The following TLE4 variants were observed in gnomAD, a reference collection of about 807,000 sequenced individuals.
TLE4 encodes the protein transducin-like enhancer protein 4.
In TLE4, 8 loss-of-function variants were observed where a neutral mutation model predicts 92.8. The observed-to-expected ratio is 0.09, with a 90% confidence interval of 0.05 to 0.16. The LOEUF (loss-of-function observed/expected upper bound fraction) is 0.16. Among genes scored for constraint, TLE4 ranks in the 10% least tolerant of loss-of-function variants. TLE4 has a pLI of 1.00. For synonymous variants in TLE4, 371 were observed against 374.1 expected, an observed-to-expected ratio of 0.99 and a Z score of 0.10; for missense variants, 675 against 997.6, an observed-to-expected ratio of 0.68 and a Z score of 4.36.
chr9:79,627,288 T>TG, intron 5 of TLE4, 86 bp from the exon 6 acceptor site: 1 of 1,370,990 alleles, frequency 7.3e-7, no homozygotes, highest in South Asian at 1.2e-5. Flanking sequence ...TGCATGTAAC[T>TG]GAAGTTAGAG....
intron 4 of TLE4, among the ~76,000 whole-genome samples, chr9:79,585,627 T>C (rs2040862174): frequency 6.6e-6 from 1 of 151,884 alleles, no homozygotes; most frequent in African/African-American, 2.4e-5. Context: ...CATTTCAGTT[T>C]GGTTTGTTGC....
chr9:79,646,421 G>T (rs1308088189), intron 6 of TLE4, among the ~76,000 whole-genome samples: 1 of 151,966 alleles, frequency 6.6e-6, no homozygotes, highest in East Asian at 1.9e-4. Context: ...CCTTTTCCAG[G>T]GAATCCTGAG....
chr9:79,717,137 A>G (rs2074656926), intron 14 of TLE4, among the ~76,000 whole-genome samples: 1 of 152,154 alleles, frequency 6.6e-6, no homozygotes, highest in Non-Finnish European at 1.5e-5. Context: ...AGCTTCAGCC[A>G]TCACTTCTTT....
At chr9:79,612,983 G>A (rs956422173) in intron 5 of TLE4, among the ~76,000 whole-genome samples, 1 of 152,032 alleles carries the variant, frequency 6.6e-6, no homozygotes, top group African/African-American at 2.4e-5. Context: ...TATCTTTGTC[G>A]TGTTGCTCAG....
intron 6 of TLE4, among the ~76,000 whole-genome samples, chr9:79,640,541 A>G (rs1052532369): frequency 8.6e-5 from 13 of 151,958 alleles, no homozygotes; most frequent in African/African-American, 2.9e-4. Flanking sequence ...CATCTGAGTA[A>G]ATGGTACAAC....
At chr9:79,598,998 T>A (rs931591485) in intron 4 of TLE4, among the ~76,000 whole-genome samples, 4 of 152,180 alleles carry the variant, frequency 2.6e-5, no homozygotes, top group Admixed American at 2.6e-4. Flanking sequence ...TTGTTCCTAT[T>A]CTGAAATTAT....
intron 5 of TLE4, among the ~76,000 whole-genome samples, chr9:79,621,712 T>A (rs1242549073): frequency 6.6e-6 from 1 of 152,162 alleles, no homozygotes; most frequent in Non-Finnish European, 1.5e-5. Flanking sequence ...ATTTGCGTGC[T>A]TTTGGTGATA....
intron 8 of TLE4, among the ~76,000 whole-genome samples, chr9:79,691,479 G>A (rs1417642160): frequency 6.6e-6 from 1 of 152,012 alleles, no homozygotes; most frequent in Non-Finnish European, 1.5e-5. Context: ...TTTAGGATAT[G>A]TGTGTCATCT....
At chr9:79,690,717 TCTTCCCACTTTAAC>T (rs989302267) in intron 8 of TLE4, among the ~76,000 whole-genome samples, 5 of 150,748 alleles carry the variant, frequency 3.3e-5, no homozygotes, top group African/African-American at 1.2e-4. Flanking sequence ...AGGCTCGAGA[TCTTCCCACTTTAAC>T]CTTCCCACAA....
chr9:79,603,112 G>A (rs1349712269), intron 4 of TLE4, among the ~76,000 whole-genome samples: 1 of 152,102 alleles, frequency 6.6e-6, no homozygotes, highest in Non-Finnish European at 1.5e-5. Context: ...AGTTTCTTGA[G>A]ATGGAATATA....
intron 8 of TLE4, among the ~76,000 whole-genome samples, chr9:79,662,066 A>G (rs1189844223): frequency 6.6e-6 from 1 of 152,146 alleles, no homozygotes; most frequent in Non-Finnish European, 1.5e-5. Flanking sequence ...GCATCCACTA[A>G]ATGTTCGTGA....
intron 17 of TLE4, 121 bp downstream of exon 17, chr9:79,722,009 A>G: frequency 7.1e-7 from 1 of 1,402,670 alleles, no homozygotes; most frequent in East Asian, 2.5e-5. Context: ...TACTAAAAGT[A>G]CAAAAATTAG....
chr9:79,709,614 A>T lies in TLE4; in HGVS notation c.1264-9A>T, dbSNP rs768154658. 16 of 1,613,278 alleles carry T rather than the reference A, an allele frequency of 9.9e-6. No homozygotes were observed. Among genetic ancestry groups the T allele is most frequent in the South Asian group, 6.6e-5 (6 of 90,948 alleles). On this transcript the variant is annotated splice_polypyrimidine_tract_variant and intron_variant, in intron 13 of 19. Coordinates refer to ENST00000376552, the MANE Select transcript of TLE4 (RefSeq NM_007005.6). Reference sequence around the variant, plus strand: ...CTTATTTCTGTTGTTTGCTTGGGAAAAATTCTAGGTGGGATTTGATCCACA... The same window carrying T: ...CTTATTTCTGTTGTTTGCTTGGGAATAATTCTAGGTGGGATTTGATCCACA...
At chr9:79,592,215 CCTCTTCTTCTTCTT>C (rs200371325) in intron 4 of TLE4, among the ~76,000 whole-genome samples, 1 of 127,202 alleles carries the variant, frequency 7.9e-6, no homozygotes, top group African/African-American at 3.5e-5. Context: ...TCTTCTTCTT[CCTCTTCTTCTTCTT>C]CTTCTTCCTT....
At chr9:79,588,469 A>G (rs928399833) in intron 4 of TLE4, among the ~76,000 whole-genome samples, 2 of 152,162 alleles carry the variant, frequency 1.3e-5, no homozygotes, top group Admixed American at 6.5e-5. Context: ...TTCTAAATGA[A>G]AAAACAAATC....
intron 6 of TLE4, among the ~76,000 whole-genome samples, chr9:79,634,669 C>T (rs983191713): frequency 1.3e-5 from 2 of 152,108 alleles, no homozygotes; most frequent in African/African-American, 4.8e-5. Flanking sequence ...TCTATCCCAG[C>T]CCCCGCCAAC....
intron 8 of TLE4, among the ~76,000 whole-genome samples, chr9:79,682,109 T>A (rs1265760077): frequency 6.6e-6 from 1 of 152,048 alleles, no homozygotes; most frequent in Non-Finnish European, 1.5e-5. Flanking sequence ...ATTTTGTGGT[T>A]TTCTTAAGTT....
At chr9:79,648,585 C>T (rs2058458022) in intron 6 of TLE4, among the ~76,000 whole-genome samples, 1 of 152,048 alleles carries the variant, frequency 6.6e-6, no homozygotes, top group Non-Finnish European at 1.5e-5. Flanking sequence ...GTGGAGAAAG[C>T]AGTAAGGGTT....
chr9:79,647,020 A>T (rs2058207771), intron 6 of TLE4, among the ~76,000 whole-genome samples: 2 of 152,268 alleles, frequency 1.3e-5, no homozygotes, highest in South Asian at 4.1e-4. Flanking sequence ...CTTTGAAAGG[A>T]CTTTATAATT....
Sources: allele counts gnomAD v4.1 joint callset (sites outside exome capture counted in the v4.1 genomes callset), GRCh38; gene constraint gnomAD v4.1.1; transcripts MANE v1.5; gene names NCBI Gene and HGNC (gene_info 2026-07-23, HGNC 2026-07-21).